Variants in FREM1 observed in about 807,000 individuals in gnomAD.
The protein encoded by FREM1 is FRAS1 related extracellular matrix 1.
A neutral mutation model predicts 210.1 loss-of-function variants in FREM1; 220 were observed. That is an observed-to-expected ratio of 1.05 (90% CI 0.94 to 1.17). FREM1 has a LOEUF of 1.17. FREM1 is among the 50% of genes most tolerant of loss of function. The pLI is 0.00. For synonymous variants in FREM1, 1,189 were observed against 980.2 expected, an observed-to-expected ratio of 1.21 and a Z score of -3.98; for missense variants, 3,454 against 2,675.5, an observed-to-expected ratio of 1.29 and a Z score of -6.42.
chr9:14,825,547 G>GTGTGTGTGTGTGTATATATATATATATA, intron 10 of FREM1, among the ~76,000 whole-genome samples: 28 of 75,894 alleles, frequency 3.7e-4, no homozygotes, highest in Non-Finnish European at 5.4e-4. Context: ...GTGTGTGTGT[G>GTGTGTGTGTGTGTATATATATATATATA]TATATATATA....
chr9:14,893,827 G>T (rs1025794814), intron 1 of FREM1, among the ~76,000 whole-genome samples: 1 of 151,878 alleles, frequency 6.6e-6, no homozygotes, highest in Non-Finnish European at 1.5e-5. Flanking sequence ...TAAGCAAGTT[G>T]TGGAAGGTTT....
intron 27 of FREM1, among the ~76,000 whole-genome samples, chr9:14,766,245 A>C (rs1047341171): frequency 2.0e-5 from 3 of 152,208 alleles, no homozygotes; most frequent in African/African-American, 7.2e-5. Flanking sequence ...GTAGGCACTT[A>C]GCTAAATCTA....
At chr9:14,749,869 G>A (rs969762647) in intron 30 of FREM1, among the ~76,000 whole-genome samples, 4 of 152,080 alleles carry the variant, frequency 2.6e-5, no homozygotes, top group Admixed American at 6.6e-5. Context: ...TTTCCCCCTC[G>A]GTGAGAACAA....
chr9:14,859,302 C>T lies in FREM1; in HGVS notation c.512G>A (p.Cys171Tyr). 6.2e-7 allele frequency: 1 copy of T among 1,613,924 alleles called. No homozygotes were observed. Among genetic ancestry groups the T allele is most frequent in the Non-Finnish European group, 8.5e-7 (1 of 1,179,878 alleles). ...TCTCGCAGTGTCCAGGCTGACGGTA[C>T]ATTCCAGGCTAGCCATCCTATCATA... Reference protein sequence around the residue: ...FDYDRMASLECTVSLDTARTR... With the variant: ...FDYDRMASLEYTVSLDTARTR... Residue 171 changes from cysteine (C) to tyrosine (Y), a missense_variant, in exon 4 of 37, where the codon TGT becomes TAT. Transcript: ENST00000380880.
At chr9:14,861,779 T>A (rs1425213566) in intron 3 of FREM1, among the ~76,000 whole-genome samples, 1 of 152,186 alleles carries the variant, frequency 6.6e-6, no homozygotes, top group Non-Finnish European at 1.5e-5. Context: ...AGTGCTGGGA[T>A]TAGAGGCATG....
At chr9:14,810,452 T>TA (rs146627512) in intron 16 of FREM1, among the ~76,000 whole-genome samples, 6 of 151,624 alleles carry the variant, frequency 4.0e-5, no homozygotes, top group African/African-American at 7.3e-5. Flanking sequence ...ATAGTGTTAT[T>TA]AAAAAAAAAT....
chr9:14,781,143 A>G (rs1047749839), intron 24 of FREM1, among the ~76,000 whole-genome samples: 1 of 152,242 alleles, frequency 6.6e-6, no homozygotes. Context: ...ATGTCAGTTT[A>G]GGTGACTTCC....
chr9:14,879,415 G>T (rs72713612), intron 1 of FREM1, among the ~76,000 whole-genome samples: 1 of 151,802 alleles, frequency 6.6e-6, no homozygotes, highest in Non-Finnish European at 1.5e-5. Flanking sequence ...GTCAAACACC[G>T]AAAGAAGAAG....
chr9:14,757,862 C>T (rs1243348425), intron 28 of FREM1, among the ~76,000 whole-genome samples: 2 of 152,174 alleles, frequency 1.3e-5, no homozygotes, highest in African/African-American at 2.4e-5. Context: ...TCCATTTGCT[C>T]TTTGTCTACA....
chr9:14,765,789 G>A (rs764324534), intron 27 of FREM1, among the ~76,000 whole-genome samples: 7 of 152,168 alleles, frequency 4.6e-5, no homozygotes, highest in Non-Finnish European at 7.4e-5. Context: ...GTGCAGAACC[G>A]GAGAAACAGT....
At chr9:14,868,653 A>T in intron 2 of FREM1, 91 bp downstream of exon 2, 1 of 810,274 alleles carries the variant, frequency 1.2e-6, no homozygotes, top group Non-Finnish European at 2.1e-6. Flanking sequence ...TTGAGGGGAG[A>T]CATTTTACAT....
chr9:14,882,464 CT>C (rs552968082), intron 1 of FREM1, among the ~76,000 whole-genome samples: 10,654 of 141,118 alleles, frequency 0.075, 745 homozygotes, highest in African/African-American at 0.19. Flanking sequence ...TTCTTCTTAT[CT>C]TTTTTTTTTT....
At chr9:14,902,056 G>A (rs1838883916) in intron 1 of FREM1, among the ~76,000 whole-genome samples, 1 of 151,566 alleles carries the variant, frequency 6.6e-6, no homozygotes, top group East Asian at 1.9e-4. Flanking sequence ...ATGTTTCTCA[G>A]GCTGGTCTCA....
intron 1 of FREM1, among the ~76,000 whole-genome samples, chr9:14,877,409 C>G (rs1176999927): frequency 1.7e-5 from 2 of 115,012 alleles, no homozygotes; most frequent in African/African-American, 6.6e-5. Flanking sequence ...TTCTTCATCA[C>G]ACATTCTAAA....
chr9:14,768,020 G>T (rs988869057), intron 27 of FREM1, among the ~76,000 whole-genome samples: 4 of 152,104 alleles, frequency 2.6e-5, no homozygotes, highest in Admixed American at 6.6e-5. Flanking sequence ...AGCAAATTTT[G>T]CTGTAATTCT....
chr9:14,876,949 A>G (rs1332998178), intron 1 of FREM1, among the ~76,000 whole-genome samples: 1 of 152,172 alleles, frequency 6.6e-6, no homozygotes, highest in African/African-American at 2.4e-5. Flanking sequence ...ATGTCTCCCA[A>G]AACTGGGAGG....
At chr9:14,863,498 T>C (rs1390096301) in intron 3 of FREM1, among the ~76,000 whole-genome samples, 1 of 152,188 alleles carries the variant, frequency 6.6e-6, no homozygotes, top group Non-Finnish European at 1.5e-5. Context: ...TTGTAGTTTA[T>C]AATTTCCATT....
chr9:14,810,747 A>C (rs1819257199), intron 16 of FREM1, among the ~76,000 whole-genome samples: 1 of 152,230 alleles, frequency 6.6e-6, no homozygotes, highest in Non-Finnish European at 1.5e-5. Context: ...GTAATCTGCA[A>C]AGCTGCATAT....
In FREM1 at chr9:14,756,517, C is replaced by T. The variant is rs985918448; in HGVS notation, c.5335-71G>A. On this transcript the variant is annotated intron_variant, in intron 28 of 36. Coordinates refer to ENST00000380880, the MANE Select transcript of FREM1 (RefSeq NM_001379081.2). ...TACAATAGAGAAACAGCTATTCTCCCTCATACTGGACTAAACTCATGCTCT... is the reference window on the plus strand; with the variant it reads ...TACAATAGAGAAACAGCTATTCTCCTTCATACTGGACTAAACTCATGCTCT... 5.6e-6 allele frequency: 6 copies of T among 1,078,862 alleles called. No homozygotes were observed. The South Asian group carries it at 7.1e-5, about 13-fold the overall frequency. The allele number at this position is 1,078,862 out of a possible 1,614,324, so 66.8% of individuals were successfully genotyped here.
Sources: allele counts gnomAD v4.1 joint callset (sites outside exome capture counted in the v4.1 genomes callset), GRCh38; gene constraint gnomAD v4.1.1; transcripts MANE v1.5; gene names NCBI Gene and HGNC (gene_info 2026-07-23, HGNC 2026-07-21).